BTBD10: variants seen among roughly 807,000 people sequenced by gnomAD.
BTBD10 encodes the protein BTB/POZ domain-containing protein 10.
Under a neutral mutation model 53.2 loss-of-function variants are expected in BTBD10, and 21 were observed. The observed-to-expected ratio is 0.39, with a 90% CI of 0.28 to 0.57. The LOEUF (loss-of-function observed/expected upper bound fraction) is 0.57. Among genes scored for constraint, BTBD10 ranks in the 20% least tolerant of loss-of-function variants. The pLI is 0.53. For missense variants in BTBD10, 360 were observed against 594.7 expected (o/e 0.61, Z 4.10); for synonymous variants, 149 against 192.7 (o/e 0.77, Z 1.88).
chr11:13,402,763 G>C (rs1949740400), intron 8 of BTBD10, among the ~76,000 whole-genome samples: 1 of 152,136 alleles, frequency 6.6e-6, no homozygotes, highest in Non-Finnish European at 1.5e-5. Flanking sequence ...TAGTAGTGCT[G>C]CTTTTACATG....
chr11:13,392,611 G>A (rs554061379), intron 8 of BTBD10, among the ~76,000 whole-genome samples: 1 of 151,648 alleles, frequency 6.6e-6, no homozygotes, highest in South Asian at 2.1e-4. Flanking sequence ...ACAAAATTTT[G>A]TATGCAGTTC....
chr11:13,417,347 A>C (rs969299464), intron 4 of BTBD10, 87 bp from the exon 5 acceptor site: 2 of 885,838 alleles, frequency 2.3e-6, no homozygotes, highest in Non-Finnish European at 3.4e-6. Context: ...GAAAAAAGGA[A>C]TTATATCATT....
chr11:13,426,588 G>C (rs542002246), intron 2 of BTBD10, among the ~76,000 whole-genome samples: 1 of 152,184 alleles, frequency 6.6e-6, no homozygotes, highest in East Asian at 1.9e-4. Context: ...AGAAAGAAAT[G>C]CAAGTATACT....
At chr11:13,415,463 G>T (rs1301483815) in intron 5 of BTBD10, among the ~76,000 whole-genome samples, 1 of 152,038 alleles carries the variant, frequency 6.6e-6, no homozygotes, top group Non-Finnish European at 1.5e-5. Context: ...GTGAACCTGT[G>T]ACAAATCAAG....
intron 1 of BTBD10, among the ~76,000 whole-genome samples, chr11:13,450,362 T>C (rs1418708207): frequency 6.6e-6 from 1 of 152,184 alleles, no homozygotes; most frequent in Non-Finnish European, 1.5e-5. Flanking sequence ...AATACCTGAA[T>C]GTTCACAAAG....
chr11:13,411,112 G>A (rs935072093), intron 6 of BTBD10, among the ~76,000 whole-genome samples: 1 of 152,098 alleles, frequency 6.6e-6, no homozygotes, highest in South Asian at 2.1e-4. Context: ...TCCTAAAAAC[G>A]CACAAGGGAA....
chr11:13,432,051 T>G (rs1471499608), intron 2 of BTBD10, among the ~76,000 whole-genome samples: 2 of 152,006 alleles, frequency 1.3e-5, no homozygotes, highest in Non-Finnish European at 2.9e-5. Flanking sequence ...TATTGATATC[T>G]GCAACAAATG....
At chr11:13,402,740 ATAAG>A (rs1949739736) in intron 8 of BTBD10, among the ~76,000 whole-genome samples, 1 of 152,210 alleles carries the variant, frequency 6.6e-6, no homozygotes, top group Non-Finnish European at 1.5e-5. Context: ...ACTTTAAGAC[ATAAG>A]TAAGCTACTA....
intron 8 of BTBD10, among the ~76,000 whole-genome samples, chr11:13,391,307 C>T (rs1167618981): frequency 3.9e-5 from 6 of 152,230 alleles, no homozygotes; most frequent in African/African-American, 1.4e-4. Context: ...CCTCTTCCCT[C>T]TCAGCCTCCT....
intron 1 of BTBD10, among the ~76,000 whole-genome samples, chr11:13,461,905 A>C (rs915158401): frequency 2.0e-5 from 3 of 151,176 alleles, no homozygotes; most frequent in African/African-American, 4.9e-5. Flanking sequence ...ACACATTTAC[A>C]TCATCAGAAA....
chr11:13,433,309 C>T (rs919249861), intron 2 of BTBD10, among the ~76,000 whole-genome samples: 2 of 152,110 alleles, frequency 1.3e-5, no homozygotes, highest in Non-Finnish European at 2.9e-5. Flanking sequence ...GGCCATAGGC[C>T]CCTCATTTCA....
intron 2 of BTBD10, among the ~76,000 whole-genome samples, chr11:13,424,425 T>C (rs1308624532): frequency 6.6e-6 from 1 of 152,250 alleles, no homozygotes; most frequent in Non-Finnish European, 1.5e-5. Context: ...TATTTTCTTT[T>C]AATTCCCATA....
At chr11:13,409,713 C>T (rs1463909120) in intron 6 of BTBD10, among the ~76,000 whole-genome samples, 4 of 152,330 alleles carry the variant, frequency 2.6e-5, no homozygotes, top group African/African-American at 9.6e-5. Flanking sequence ...TCTCCACAGA[C>T]CCTTTGTCAT....
chr11:13,453,863 T>A (rs1950913474), intron 1 of BTBD10, among the ~76,000 whole-genome samples: 1 of 151,990 alleles, frequency 6.6e-6, no homozygotes, highest in Admixed American at 6.6e-5. Context: ...ACCAGCCTGA[T>A]CAACATGGTG....
At chr11:13,452,002 T>C (rs1163098787) in intron 1 of BTBD10, among the ~76,000 whole-genome samples, 1 of 151,204 alleles carries the variant, frequency 6.6e-6, no homozygotes, top group African/African-American at 2.4e-5. Context: ...CATATGGAGA[T>C]AACAAAAAAA....
At chr11:13,455,186 T>G (rs1157596288) in intron 1 of BTBD10, among the ~76,000 whole-genome samples, 1 of 152,232 alleles carries the variant, frequency 6.6e-6, no homozygotes, top group Admixed American at 6.5e-5. Context: ...GTGCTGGGAT[T>G]ATAGGCATGA....
At chr11:13,459,937 A>C (rs1649523513) in intron 1 of BTBD10, among the ~76,000 whole-genome samples, 1 of 152,214 alleles carries the variant, frequency 6.6e-6, no homozygotes, top group Admixed American at 6.5e-5. Context: ...TCATGGTAGA[A>C]ACAAGTAAAG....
intron 8 of BTBD10, among the ~76,000 whole-genome samples, chr11:13,399,251 T>C (rs1949643905): frequency 2.6e-5 from 4 of 152,194 alleles, no homozygotes; most frequent in Admixed American, 6.5e-5. Flanking sequence ...CGTTTCTTTT[T>C]ATTCTTTTTT....
At chr11:13,402,534 T>C (rs1949735762) in intron 8 of BTBD10, among the ~76,000 whole-genome samples, 1 of 152,206 alleles carries the variant, frequency 6.6e-6, no homozygotes, top group Non-Finnish European at 1.5e-5. Context: ...GCTTTTACTC[T>C]TTACATTGTC....
Sources: allele counts gnomAD v4.1 joint callset (sites outside exome capture counted in the v4.1 genomes callset), GRCh38; gene constraint gnomAD v4.1.1; transcripts MANE v1.5; gene names NCBI Gene and HGNC (gene_info 2026-07-23, HGNC 2026-07-21).